The following SHOX variants were observed in gnomAD, a reference collection of about 807,000 sequenced individuals.
The protein encoded by SHOX is SHOX homeobox.
Under a neutral mutation model 29.6 loss-of-function variants are expected in SHOX, and 12 were observed. The observed-to-expected ratio is 0.41, with a 90% confidence interval of 0.26 to 0.66. The LOEUF is 0.66. SHOX is among the 30% of genes least tolerant of loss of function. The pLI, the probability that SHOX is intolerant of heterozygous loss-of-function variation, is 0.35. For missense variants in SHOX, 499 were observed against 437.7 expected (o/e 1.14, Z -1.25); for synonymous variants, 214 against 200.6 (o/e 1.07, Z -0.57).
rs771317209 is a variant in SHOX at position 630,972 on chromosome X, CGGCGGAGGT to C, written c.76_84del (p.Gly26_Gly28del). 5.6e-6 allele frequency: 9 copies of C among 1,613,780 alleles called. No individual in the cohort carries two copies. Among genetic ancestry groups the C allele is most frequent in the African/African-American group, 5.3e-5 (4 of 75,026 alleles). On this transcript the variant is annotated inframe_deletion, in exon 1 of 5. Transcript: ENST00000686671. ...AGGACGGTAACGGCGGAGGCGGAGG[CGGCGGAGGT>C]AAGAAGGATTCCATTACGTACCGGG... is the stretch of plus-strand genomic sequence containing the variant.
upstream of SHOX, among the ~76,000 whole-genome samples, chrX:628,607 ATC>A (rs2052588334): frequency 5.6e-5 from 1 of 17,772 alleles, no homozygotes; most frequent in Non-Finnish European, 1.3e-4. Context: ...CTCTCTCTCC[ATC>A]TCTCTCTGTC....
At position 631,078 on chromosome X, in the gene SHOX, G is replaced by C. The variant is rs865836947; in HGVS notation, c.181G>C (p.Glu61Gln). 7 of 1,613,770 alleles carry C rather than the reference G, an allele frequency of 4.3e-6. 1 individual carries two copies. In the Middle Eastern group the frequency reaches 9.9e-4, roughly 228 times the overall value. The change falls in exon 1 of 5, where the codon GAG (glutamate) becomes CAG (glutamine). Residue 61 changes from glutamate to glutamine, a missense_variant. Physicochemically the swap from Glu to Gln is conservative, Grantham distance 29 (BLOSUM62 2). Transcript: ENST00000686671. ...TSDSSLQDIT[E>Q]GGGHCPVHLF... ...GGATTCCAGCCTCCAGGACATCACG[G>C]AGGGCGGCGGCCACTGCCCGGTGCA...
upstream of SHOX, chrX:630,761 TATAA>T (rs1405831103): frequency 2.7e-5 from 30 of 1,132,066 alleles, no homozygotes; most frequent in Non-Finnish European, 3.8e-5. Context: ...GGTCGCCGCG[TATAA>T]ATAGTGAGAT....
chrX:636,970 A>ATATATT (rs1458275715), intron 2 of SHOX, among the ~76,000 whole-genome samples: 122 of 137,328 alleles, frequency 8.9e-4, no homozygotes, highest in African/African-American at 2.1e-3. Flanking sequence ...ATATATATAT[A>ATATATT]TTTTGGCTCC....
Position 644,663 on chromosome X carries a change from G to GGACTCCCGGGCTCCGCGCACCCC in SHOX, c.*29_*51dup, listed in dbSNP as rs2052931352. On this transcript the variant is annotated 3_prime_UTR_variant, in exon 5 of 5. Transcript: ENST00000686671. ...CCGCCGCGCAGCCCCCCGCGCGCCCGGACTCCCGGGCTCCGCGCACCCCGC... is the reference window on the plus strand; with the variant it reads ...CCGCCGCGCAGCCCCCCGCGCGCCCGGACTCCCGGGCTCCGCGCACCCCGACTCCCGGGCTCCGCGCACCCCGC... 7.0e-7 allele frequency: 1 copy of GGACTCCCGGGCTCCGCGCACCCC among 1,426,148 alleles called. No individual in the cohort carries two copies. Among genetic ancestry groups the GGACTCCCGGGCTCCGCGCACCCC allele is most frequent in the East Asian group, 3.0e-5 (1 of 33,872 alleles). The allele number at this position is 1,426,148 out of a possible 1,614,324, so 88.3% of individuals were successfully genotyped here. A position where few individuals can be genotyped will look rare whatever the true frequency, so the allele number is the denominator to read the frequency against.
At chrX:651,951 G>A (rs778041036), downstream of SHOX, among the ~76,000 whole-genome samples, 71 of 151,584 alleles carry the variant, frequency 4.7e-4, no homozygotes, top group African/African-American at 1.6e-3. Context: ...ACTGAGTCTC[G>A]CTCTGTCGCC....
At chrX:630,310 C>G (rs1172108057), upstream of SHOX, among the ~76,000 whole-genome samples, 1 of 150,914 alleles carries the variant, frequency 6.6e-6, no homozygotes, top group East Asian at 2.0e-4. Context: ...CGCCCGGATC[C>G]CCCCCTCGCC....
intron 1 of SHOX, chrX:631,900 AC>A: frequency 2.2e-6 from 1 of 456,040 alleles, no homozygotes; most frequent in Admixed American, 2.3e-5. Flanking sequence ...GGTCACCCAG[AC>A]GCACAGAGGA....
chrX:631,210 TCCTGGGGTTCGGCG>T, intron 1 of SHOX, 36 bp downstream of exon 1: 1 of 1,609,540 alleles, frequency 6.2e-7, no homozygotes, highest in Non-Finnish European at 8.5e-7. Context: ...AGGGGGGCCC[TCCTGGGGTTCGGCG>T]CCTCCTCGCC....
chrX:655,396 G>A (rs1239994333), downstream of SHOX, among the ~76,000 whole-genome samples: 5 of 151,788 alleles, frequency 3.3e-5, no homozygotes, highest in African/African-American at 7.3e-5. Context: ...CATGAGCCCA[G>A]GAGTTCAAGA....
At chrX:624,862 T>TTTTCTTTCTTTC (rs928739665) in intron 1 of SHOX, among the ~76,000 whole-genome samples, 187 of 76,846 alleles carry the variant, frequency 2.4e-3, no homozygotes, top group East Asian at 4.5e-3. Context: ...TCTTTCTTTC[T>TTTTCTTTCTTTC]TTTCTTTCTT....
rs1381671904 is a variant in SHOX, at chrX:631,107, G to A, written c.210G>A (p.Leu70=). The part of the protein sequence containing the change: ...TEGGGHCPVH[L]FKDHVDNDKE... ...GCGGCGGCCACTGCCCGGTGCATTT[G>A]TTCAAGGACCACGTAGACAATGACA... The change falls in exon 1 of 5, where the codon TTG becomes TTA. Residue 70 remains leucine, a synonymous_variant. Transcript: ENST00000686671. 2 of 1,613,732 alleles carry A rather than the reference G, an allele frequency of 1.2e-6. No homozygotes were observed. Among genetic ancestry groups the A allele is most frequent in the African/African-American group, 1.3e-5 (1 of 75,056 alleles).
rs1323393525 is a variant in SHOX, at chrX:651,253, C to A, written c.*6617C>A. 2 of 454,356 alleles carry A rather than the reference C, an allele frequency of 4.4e-6. No homozygotes were observed. Among genetic ancestry groups the A allele is most frequent in the Non-Finnish European group, 8.8e-6 (2 of 225,998 alleles). 28.1% of individuals were successfully genotyped at this position (454,356 alleles called of 1,614,324 possible). ...TCCCCCATTGACGACATAGCGGCCC[C>A]CGCGTCCGGGTTACAAATACATCTA... On this transcript the variant is annotated 3_prime_UTR_variant, in exon 5 of 5. Coordinates refer to ENST00000686671, the MANE Select transcript of SHOX (RefSeq NM_000451.4).
chrX:629,023 C>G (rs866110385), upstream of SHOX, among the ~76,000 whole-genome samples: 7 of 134,750 alleles, frequency 5.2e-5, no homozygotes, highest in African/African-American at 2.1e-4. Flanking sequence ...ATCTCTCTGT[C>G]TCTCCCTTTC....
At position 646,414 on chromosome X, in the gene SHOX, T is replaced by C. The variant is rs903157970; in HGVS notation, c.*1778T>C. 8 of 152,034 alleles carry C rather than the reference T, an allele frequency of 5.3e-5. No individual in the cohort carries two copies. The highest frequency in any genetic ancestry group is 1.9e-4 in the African/African-American group (8 of 41,374). The allele number at this position is 152,034 out of a possible 1,614,324, so 9.4% of individuals were successfully genotyped here. ...AGAGAAACTATCTTCTCCCAACATT[T>C]ACTAACATCCACTGGTCAACTCTCT... On this transcript the variant is annotated 3_prime_UTR_variant, in exon 5 of 5. Coordinates refer to ENST00000686671, the MANE Select transcript of SHOX (RefSeq NM_000451.4).
At position 651,472 on chromosome X, in the gene SHOX, G is replaced by A. The variant is rs1375845786; in HGVS notation, c.*6836G>A. ...CTGGTGACGCCCTCATTCTCCTAAC[G>A]TTCAATAATCTCAATGTTGAGTTGC... On this transcript the variant is annotated 3_prime_UTR_variant, in exon 5 of 5. Transcript: ENST00000686671. The A allele has an allele frequency of 3.1e-5, 14 of 444,644 alleles. No individual in the cohort carries two copies. The highest frequency in any genetic ancestry group is 4.9e-5 in the Non-Finnish European group (11 of 223,192). The allele number at this position is 444,644 out of a possible 1,614,324, so 27.5% of individuals were successfully genotyped here. A position where few individuals can be genotyped will look rare whatever the true frequency, so the allele number is the denominator to read the frequency against.
chrX:630,779 C>A, upstream of SHOX: 2 of 1,273,392 alleles, frequency 1.6e-6, no homozygotes, highest in Non-Finnish European at 2.3e-6. Flanking sequence ...GTGAGATTTC[C>A]AATGGAAAGG....
At position 631,024 on chromosome X, in the gene SHOX, C is replaced by G; in HGVS notation, c.127C>G (p.Leu43Val). 1 of 1,613,862 alleles carries G rather than the reference C, an allele frequency of 6.2e-7. No individual in the cohort carries two copies. The highest frequency in any genetic ancestry group is 8.5e-7 in the Non-Finnish European group (1 of 1,179,856). Residue 43 changes from leucine to valine, a missense_variant, in exon 1 of 5, where the codon CTG (leucine) becomes GTG (valine). Coordinates refer to ENST00000686671, the MANE Select transcript of SHOX (RefSeq NM_000451.4). ...GTACCGGGAAGTTTTGGAGAGCGGA[C>G]TGGCGCGCTCCCGGGAGCTGGGGAC... ...ITYREVLESG[L>V]ARSRELGTSD...
At chrX:628,238 C>T (rs1466742099), upstream of SHOX, among the ~76,000 whole-genome samples, 4 of 143,240 alleles carry the variant, frequency 2.8e-5, no homozygotes, top group African/African-American at 7.8e-5. Context: ...TCTCTCTCTC[C>T]ATCTCCCAGT....
Sources: gnomAD v4.1 joint callset for allele counts (sites outside exome capture counted in the v4.1 genomes callset) on GRCh38, gnomAD v4.1.1 for gene constraint, MANE v1.5 for transcripts, NCBI Gene and HGNC (gene_info 2026-07-23, HGNC 2026-07-21) for gene names.